The following OXR1 variants were observed in gnomAD, a reference collection of about 807,000 sequenced individuals.
OXR1 encodes the protein oxidation resistance 1.
A neutral mutation model predicts 104.6 loss-of-function variants in OXR1; 41 were observed. The ratio of observed to expected loss-of-function variants is 0.39; its 90% confidence interval spans 0.31 to 0.51. The LOEUF is 0.51. Among genes scored for constraint, OXR1 ranks in the 20% least tolerant of loss-of-function variants. The pLI is 0.77. For synonymous variants in OXR1, 348 were observed against 348.4 expected, an observed-to-expected ratio of 1.00 and a Z score of 0.01; for missense variants, 955 against 1,031.9, an observed-to-expected ratio of 0.93 and a Z score of 1.02.
intron 1 of OXR1, among the ~76,000 whole-genome samples, chr8:106,350,782 G>A (rs111278863): frequency 6.6e-6 from 1 of 152,172 alleles, no homozygotes; most frequent in African/African-American, 2.4e-5. Flanking sequence ...TTGTTCTAGA[G>A]AGACACATAT....
intron 1 of OXR1, among the ~76,000 whole-genome samples, chr8:106,334,843 G>A (rs1814890328): frequency 6.6e-6 from 1 of 152,098 alleles, no homozygotes; most frequent in Non-Finnish European, 1.5e-5. Flanking sequence ...GCAGAAAAAT[G>A]CATATTTGAT....
At chr8:106,715,277 A>C (rs1832122278) in intron 11 of OXR1, among the ~76,000 whole-genome samples, 1 of 151,804 alleles carries the variant, frequency 6.6e-6, no homozygotes, top group East Asian at 1.9e-4. Flanking sequence ...AATCCATCAC[A>C]CTACTTGATA....
At chr8:106,491,726 A>G (rs993345243) in intron 2 of OXR1, among the ~76,000 whole-genome samples, 3 of 152,146 alleles carry the variant, frequency 2.0e-5, no homozygotes, top group African/African-American at 7.2e-5. Context: ...TCTGCTCCTA[A>G]TGTGTGTGAC....
intron 3 of OXR1, among the ~76,000 whole-genome samples, chr8:106,551,789 C>CAT (rs200289561): frequency 0.29 from 37,063 of 126,916 alleles, 5,972 homozygotes; most frequent in South Asian, 0.37. Context: ...CTCCACTATA[C>CAT]ATATATATAT....
intron 3 of OXR1, among the ~76,000 whole-genome samples, chr8:106,635,727 T>A (rs1377560821): frequency 1.3e-5 from 2 of 152,268 alleles, no homozygotes; most frequent in Admixed American, 6.5e-5. Flanking sequence ...GGATTACAGG[T>A]GTGAGCCATT....
intron 1 of OXR1, among the ~76,000 whole-genome samples, chr8:106,307,286 T>A (rs1218670664): frequency 6.6e-6 from 1 of 152,218 alleles, no homozygotes; most frequent in East Asian, 1.9e-4. Context: ...AGTGCTTTGA[T>A]GAAAATAACA....
intron 2 of OXR1, among the ~76,000 whole-genome samples, chr8:106,467,362 T>C (rs1438228724): frequency 6.6e-6 from 1 of 151,820 alleles, no homozygotes; most frequent in Non-Finnish European, 1.5e-5. Flanking sequence ...TGCTAACAAA[T>C]ATAGTAGTGG....
intron 11 of OXR1, among the ~76,000 whole-genome samples, chr8:106,714,982 C>A (rs1462485161): frequency 2.0e-5 from 3 of 152,008 alleles, no homozygotes; most frequent in African/African-American, 7.2e-5. Flanking sequence ...AACATATCGA[C>A]CATGTATTTT....
intron 3 of OXR1, among the ~76,000 whole-genome samples, chr8:106,611,362 C>T (rs1820797504): frequency 6.6e-6 from 1 of 152,174 alleles, no homozygotes; most frequent in Admixed American, 6.5e-5. Flanking sequence ...TCCTGAAGGC[C>T]AGAACCTGGA....
chr8:106,553,177 A>G (rs1372401962), intron 3 of OXR1, among the ~76,000 whole-genome samples: 1 of 151,760 alleles, frequency 6.6e-6, no homozygotes, highest in East Asian at 1.9e-4. Context: ...CACATTGTGC[A>G]CATGTACCCT....
chr8:106,423,501 C>G (rs769744284), intron 2 of OXR1, among the ~76,000 whole-genome samples: 1 of 152,094 alleles, frequency 6.6e-6, no homozygotes, highest in African/African-American at 2.4e-5. Context: ...AATAAATGGG[C>G]TAAATTCTGA....
At chr8:106,700,705 G>A (rs1217644989) in intron 7 of OXR1, among the ~76,000 whole-genome samples, 2 of 152,142 alleles carry the variant, frequency 1.3e-5, no homozygotes, top group African/African-American at 4.8e-5. Context: ...GTATACTGAG[G>A]CTTTTCTGTC....
At chr8:106,706,340 A>C in intron 8 of OXR1, 42 bp from the exon 9 acceptor site, 1 of 1,431,538 alleles carries the variant, frequency 7.0e-7, no homozygotes, top group Non-Finnish European at 9.4e-7. Flanking sequence ...AAAATACCAC[A>C]ATTTTAAAAG....
chr8:106,277,703 T>A (rs2130483121), intron 1 of OXR1, among the ~76,000 whole-genome samples: 1 of 152,354 alleles, frequency 6.6e-6, no homozygotes, highest in Non-Finnish European at 1.5e-5. Context: ...GCTATGTCCT[T>A]GACAGGCTTA....
At chr8:106,657,114 T>C (rs560416100) in intron 3 of OXR1, among the ~76,000 whole-genome samples, 2 of 152,286 alleles carry the variant, frequency 1.3e-5, no homozygotes, top group South Asian at 4.1e-4. Flanking sequence ...AAGTTACTGT[T>C]CTTTCCCTGT....
intron 3 of OXR1, among the ~76,000 whole-genome samples, chr8:106,526,889 G>A (rs1418757899): frequency 6.6e-6 from 1 of 152,184 alleles, no homozygotes; most frequent in Non-Finnish European, 1.5e-5. Flanking sequence ...TTGCCAGAGG[G>A]AAGGAGAAAA....
chr8:106,748,816 A>G (rs931953219), intron 16 of OXR1, among the ~76,000 whole-genome samples: 1 of 151,178 alleles, frequency 6.6e-6, no homozygotes, highest in Non-Finnish European at 1.5e-5. Flanking sequence ...GGGATCCACC[A>G]GCCTCAGCCT....
intron 2 of OXR1, among the ~76,000 whole-genome samples, chr8:106,476,059 T>C (rs1352658188): frequency 2.1e-5 from 3 of 144,998 alleles, no homozygotes; most frequent in Non-Finnish European, 1.5e-5. Flanking sequence ...GTAGCTTCAA[T>C]GGTGCAGTCC....
chr8:106,486,944 A>G (rs949410576), intron 2 of OXR1, among the ~76,000 whole-genome samples: 1 of 152,076 alleles, frequency 6.6e-6, no homozygotes, highest in African/African-American at 2.4e-5. Flanking sequence ...TTGAAGTTCA[A>G]CGAAACAACA....
Sources: gnomAD v4.1 joint callset for allele counts (sites outside exome capture counted in the v4.1 genomes callset) on GRCh38, gnomAD v4.1.1 for gene constraint, MANE v1.5 for transcripts, NCBI Gene and HGNC (gene_info 2026-07-23, HGNC 2026-07-21) for gene names.